PLCG2: variants seen among roughly 807,000 people sequenced by gnomAD.
PLCG2 encodes phospholipase C gamma 2, also known as 1-phosphatidylinositol 4,5-bisphosphate phosphodiesterase gamma-2.
Under a neutral mutation model 175.6 loss-of-function variants are expected in PLCG2, and 69 were observed. The observed-to-expected ratio is 0.39, with a 90% CI of 0.32 to 0.48. PLCG2 has a LOEUF of 0.48. Among genes scored for constraint, PLCG2 ranks in the 20% least tolerant of loss-of-function variants. The pLI is 0.91. For missense variants in PLCG2, 1,798 were observed against 1,650.9 expected, an observed-to-expected ratio of 1.09 and a Z score of -1.54; for synonymous variants, 827 against 624.0, an observed-to-expected ratio of 1.33 and a Z score of -4.85.
intron 2 of PLCG2, among the ~76,000 whole-genome samples, chr16:81,847,683 G>A (rs1018296207): frequency 2.6e-5 from 4 of 152,156 alleles, no homozygotes; most frequent in Non-Finnish European, 5.9e-5. Context: ...TGAGAAAATT[G>A]CATCTTACTG....
At chr16:81,849,243 A>G (rs1330737947) in intron 2 of PLCG2, among the ~76,000 whole-genome samples, 2 of 152,142 alleles carry the variant, frequency 1.3e-5, no homozygotes, top group Non-Finnish European at 2.9e-5. Context: ...TTAAGGAGAC[A>G]AGTCAGGAAG....
intron 26 of PLCG2, among the ~76,000 whole-genome samples, chr16:81,935,190 C>T (rs560428536): frequency 4.6e-5 from 7 of 152,284 alleles, no homozygotes; most frequent in East Asian, 1.9e-4. Context: ...GTGCTCCCTC[C>T]GGAGGGGAAA....
chr16:81,866,861 C>G (rs1185516768), intron 5 of PLCG2, among the ~76,000 whole-genome samples: 1 of 152,254 alleles, frequency 6.6e-6, no homozygotes, highest in African/African-American at 2.4e-5. Context: ...CACCTTCATC[C>G]TGCCCTGGCC....
At chr16:81,923,860 GTCTT>G (rs925999887) in intron 22 of PLCG2, among the ~76,000 whole-genome samples, 20 of 152,310 alleles carry the variant, frequency 1.3e-4, no homozygotes, top group African/African-American at 4.8e-4. Context: ...ATTTATTGAA[GTCTT>G]TCTAAGTGGC....
chr16:81,911,409 T>A (rs1407012324), intron 18 of PLCG2, among the ~76,000 whole-genome samples: 1 of 152,134 alleles, frequency 6.6e-6, no homozygotes, highest in African/African-American at 2.4e-5. Context: ...GGAGCCTGGC[T>A]TTTCAGGTTT....
intron 2 of PLCG2, among the ~76,000 whole-genome samples, chr16:81,769,606 A>G (rs535023710): frequency 6.6e-6 from 1 of 151,892 alleles, no homozygotes; most frequent in Non-Finnish European, 1.5e-5. Context: ...CGAGGTCAGG[A>G]GATCGAGACC....
At chr16:81,770,454 T>A (rs566091212) in intron 2 of PLCG2, among the ~76,000 whole-genome samples, 87 of 152,346 alleles carry the variant, frequency 5.7e-4, no homozygotes, top group Non-Finnish European at 1.0e-3. Context: ...AGCACATGCC[T>A]GTAATCCCAG....
intron 8 of PLCG2, 86 bp downstream of exon 8, chr16:81,881,039 G>C: frequency 7.4e-7 from 1 of 1,345,504 alleles, no homozygotes; most frequent in South Asian, 1.2e-5. Flanking sequence ...GGGGATGCCT[G>C]TGTGTGCAGG....
chr16:81,912,797 G>T lies in PLCG2; in HGVS notation c.2054+81G>T, dbSNP rs192975460. The T allele has an allele frequency of 1.5e-4, 217 of 1,470,916 alleles. 1 individual carries two copies. In the East Asian group the frequency reaches 5.2e-3, roughly 35 times the overall value. 91.1% of individuals were successfully genotyped at this position (1,470,916 alleles called of 1,614,324 possible). On this transcript the variant is annotated intron_variant, in intron 19 of 32. Transcript: ENST00000564138. ...GCGGAGAGACAAGGGGGAACTTCAG[G>T]TGGAGGCTCACCTGCAGTGCCCTGC...
At chr16:81,810,526 A>C (rs1044290163) in intron 2 of PLCG2, among the ~76,000 whole-genome samples, 17 of 152,088 alleles carry the variant, frequency 1.1e-4, no homozygotes, top group Non-Finnish European at 2.2e-4. Flanking sequence ...TCACCCATTC[A>C]CACATGCCCT....
At chr16:81,894,906 TA>T (rs2143612776) in intron 12 of PLCG2, among the ~76,000 whole-genome samples, 1 of 151,872 alleles carries the variant, frequency 6.6e-6, no homozygotes, top group African/African-American at 2.4e-5. Context: ...ATAAATAAAA[TA>T]AAAAAGGCAT....
intron 22 of PLCG2, among the ~76,000 whole-genome samples, chr16:81,926,430 G>A (rs980277602): frequency 2.0e-4 from 31 of 152,338 alleles, no homozygotes; most frequent in African/African-American, 5.5e-4. Context: ...GGTGCTCACC[G>A]TCTGGTGGGG....
rs143711032 is a variant in PLCG2 at position 81,958,867 on chromosome 16, T to A, written c.*869T>A. ...GAGGTCAACTGCTGCTTGAAAGAGG[T>A]AGACAAAAGTTAGGTTGATGGCGAA... is the stretch of plus-strand genomic sequence containing the variant. On this transcript the variant is annotated 3_prime_UTR_variant, in exon 33 of 33. Coordinates refer to ENST00000564138, the MANE Select transcript of PLCG2 (RefSeq NM_002661.5). The A allele has an allele frequency of 5.5e-3, 1,214 of 219,658 alleles. 4 individuals are homozygous for A. The highest frequency in any genetic ancestry group is 6.6e-3 in the Non-Finnish European group (728 of 109,512). The allele number at this position is 219,658 out of a possible 1,614,324, so 13.6% of individuals were successfully genotyped here. A position where few individuals can be genotyped will look rare whatever the true frequency, so the allele number is the denominator to read the frequency against.
intron 2 of PLCG2, among the ~76,000 whole-genome samples, chr16:81,825,331 C>T (rs1905003624): frequency 6.8e-6 from 1 of 147,494 alleles, no homozygotes; most frequent in African/African-American, 2.5e-5. Context: ...CTCTGTCACC[C>T]AGGCTGGAGT....
At chr16:81,788,107 C>T (rs1462031651) in intron 2 of PLCG2, among the ~76,000 whole-genome samples, 1 of 152,138 alleles carries the variant, frequency 6.6e-6, no homozygotes, top group Non-Finnish European at 1.5e-5. Flanking sequence ...CTGGGTCATA[C>T]ACTAACTCAG....
chr16:81,761,066 T>C (rs1034977039), intron 2 of PLCG2, among the ~76,000 whole-genome samples: 1 of 152,134 alleles, frequency 6.6e-6, no homozygotes, highest in East Asian at 1.9e-4. Context: ...TTGGCTAATT[T>C]TTGTATTTTT....
At chr16:81,781,788 C>G (rs553342998) in intron 1 of PLCG2, among the ~76,000 whole-genome samples, 1 of 152,240 alleles carries the variant, frequency 6.6e-6, no homozygotes, top group South Asian at 2.1e-4. Context: ...TACTGGCTTA[C>G]CATGCACAGA....
At chr16:81,950,917 T>C (rs573650725) in intron 31 of PLCG2, among the ~76,000 whole-genome samples, 65 of 152,146 alleles carry the variant, frequency 4.3e-4, no homozygotes, top group African/African-American at 1.6e-3. Flanking sequence ...ATAAAAGAGA[T>C]AGAAACCAAC....
chr16:81,787,743 CT>C (rs1255170040), intron 2 of PLCG2, among the ~76,000 whole-genome samples: 2 of 152,138 alleles, frequency 1.3e-5, no homozygotes, highest in African/African-American at 2.4e-5. Context: ...CTCATCCCCC[CT>C]ACCAGACGTA....
Sources: gnomAD v4.1 joint callset for allele counts (sites outside exome capture counted in the v4.1 genomes callset) on GRCh38, gnomAD v4.1.1 for gene constraint, MANE v1.5 for transcripts, NCBI Gene and HGNC (gene_info 2026-07-23, HGNC 2026-07-21) for gene names.